Variants in ESR1 observed in about 807,000 individuals in gnomAD.
ESR1 encodes estrogen receptor.
In ESR1, 12 loss-of-function variants were observed where a neutral mutation model predicts 52.7. The observed-to-expected ratio is 0.23, with a 90% confidence interval of 0.15 to 0.37. The LOEUF is 0.37. ESR1 is among the 10% of genes least tolerant of loss of function. The pLI, the probability that ESR1 is intolerant of heterozygous loss-of-function variation, is 1.00. For synonymous variants in ESR1, 305 were observed against 316.8 expected (o/e 0.96, Z 0.39); for missense variants, 584 against 779.7 (o/e 0.75, Z 2.99).
chr6:151,723,582 C>CTTTGT (rs1465706427), intron 2 of ESR1, among the ~76,000 whole-genome samples: 3 of 152,138 alleles, frequency 2.0e-5, no homozygotes, highest in African/African-American at 4.8e-5. Flanking sequence ...CAAAACAGCG[C>CTTTGT]TTGTGGCCGG....
intron 3 of ESR1, among the ~76,000 whole-genome samples, chr6:151,887,998 AAATG>A (rs1430151295): frequency 6.6e-6 from 1 of 152,202 alleles, no homozygotes; most frequent in Non-Finnish European, 1.5e-5. Context: ...AATTGGCTCT[AAATG>A]AATGAATTTA....
intron 3 of ESR1, among the ~76,000 whole-genome samples, chr6:151,940,774 C>T (rs995783292): frequency 1.3e-5 from 2 of 152,210 alleles, no homozygotes; most frequent in African/African-American, 4.8e-5. Context: ...TCAATGTCTT[C>T]CTCCCTCCAA....
At chr6:151,677,947 A>T (rs1188868654) in intron 1 of ESR1, among the ~76,000 whole-genome samples, 2 of 151,948 alleles carry the variant, frequency 1.3e-5, no homozygotes, top group Non-Finnish European at 2.9e-5. Flanking sequence ...ACTGTTAAAC[A>T]TGTTACATTT....
chr6:152,120,825 T>C (rs2051306673), intron 6 of ESR1, among the ~76,000 whole-genome samples: 4 of 152,170 alleles, frequency 2.6e-5, no homozygotes, highest in African/African-American at 7.2e-5. Flanking sequence ...ACCTGCATTA[T>C]GGAAAGCACA....
intron 1 of ESR1, among the ~76,000 whole-genome samples, chr6:151,668,203 G>A (rs947676369): frequency 2.0e-5 from 3 of 152,204 alleles, no homozygotes; most frequent in Non-Finnish European, 4.4e-5. Flanking sequence ...TCTGCTTCAT[G>A]CATGGTGCCT....
chr6:151,922,380 A>G (rs754098942), intron 3 of ESR1, among the ~76,000 whole-genome samples: 3 of 152,228 alleles, frequency 2.0e-5, no homozygotes, highest in Non-Finnish European at 2.9e-5. Context: ...TACCTCTTTA[A>G]GGGTGGAGTA....
chr6:151,970,527 A>G (rs2038799064), intron 4 of ESR1, among the ~76,000 whole-genome samples: 2 of 152,204 alleles, frequency 1.3e-5, no homozygotes, highest in South Asian at 4.1e-4. Flanking sequence ...CTTTGGGGAC[A>G]GATCTCAGTT....
intron 3 of ESR1, among the ~76,000 whole-genome samples, chr6:151,928,086 T>C (rs115251264): frequency 0.01 from 1,540 of 152,230 alleles, 18 homozygotes; most frequent in African/African-American, 0.036. Flanking sequence ...AAATAACCAG[T>C]TTTTGTTTCA....
At chr6:152,038,197 G>A (rs371445603) in intron 5 of ESR1, among the ~76,000 whole-genome samples, 1 of 152,300 alleles carries the variant, frequency 6.6e-6, no homozygotes, top group African/African-American at 2.4e-5. Context: ...TCCGTCATGG[G>A]AGAAAGATGG....
intron 6 of ESR1, chr6:152,122,555 T>G: frequency 6.2e-7 from 1 of 1,614,074 alleles, no homozygotes; most frequent in Non-Finnish European, 8.5e-7. Flanking sequence ...GCAAGCCCGA[T>G]GAGGAGGAGC....
Position 152,080,791 on chromosome 6 carries a change from G to A in ESR1, c.1370-13594G>A, listed in dbSNP as rs141875707. On this transcript the variant is annotated intron_variant, in intron 6 of 7. Transcript: ENST00000206249. ...AATGCACATAGGCTCAAAATAAAGG[G>A]TCGAAGGAAAATCTACTGAGCAAAT... Among the ~76,000 whole-genome samples the A allele has an allele frequency of 4.6e-5, 7 of 152,134 alleles. No individual in the cohort carries two copies. In the East Asian group the frequency reaches 1.4e-3, roughly 29 times the overall value.
At chr6:151,880,477 G>A (rs1193308550) in intron 2 of ESR1, among the ~76,000 whole-genome samples, 178 bp from the exon 3 acceptor site, 2 of 151,990 alleles carry the variant, frequency 1.3e-5, no homozygotes, top group East Asian at 1.9e-4. Context: ...CACCGTGCCC[G>A]GCCCATGAGA....
At chr6:151,969,499 C>G (rs1232304363) in intron 4 of ESR1, among the ~76,000 whole-genome samples, 1 of 152,106 alleles carries the variant, frequency 6.6e-6, no homozygotes, top group Non-Finnish European at 1.5e-5. Context: ...GGGCATTTTC[C>G]CATGTCTCCC....
At chr6:151,672,898 G>C (rs535588544) in intron 1 of ESR1, among the ~76,000 whole-genome samples, 1 of 146,794 alleles carries the variant, frequency 6.8e-6, no homozygotes, top group Non-Finnish European at 1.5e-5. Context: ...GCACGATCTC[G>C]GCTCACTGCA....
upstream of ESR1, among the ~76,000 whole-genome samples, chr6:151,806,572 G>T (rs1375112434): frequency 1.0e-5 from 1 of 98,204 alleles, no homozygotes; most frequent in African/African-American, 3.6e-5. Context: ...ATATATGTGT[G>T]TGTGTATGTG....
intron 2 of ESR1, among the ~76,000 whole-genome samples, chr6:151,705,077 T>A (rs1780086193): frequency 1.3e-5 from 2 of 151,956 alleles, no homozygotes; most frequent in South Asian, 4.2e-4. Flanking sequence ...GATATTTGTA[T>A]CCCCATTGTG....
chr6:151,767,705 T>C (rs1268781248), intron 2 of ESR1, among the ~76,000 whole-genome samples: 2 of 152,184 alleles, frequency 1.3e-5, no homozygotes, highest in African/African-American at 4.8e-5. Context: ...CAAATTCCAG[T>C]TAAAAGAAAG....
At chr6:152,054,776 T>C (rs2046969036) in intron 5 of ESR1, among the ~76,000 whole-genome samples, 1 of 152,220 alleles carries the variant, frequency 6.6e-6, no homozygotes, top group African/African-American at 2.4e-5. Flanking sequence ...TCCAGTACCA[T>C]TCAATCTTCC....
At chr6:151,917,984 A>G (rs1047489890) in intron 3 of ESR1, among the ~76,000 whole-genome samples, 2 of 152,234 alleles carry the variant, frequency 1.3e-5, no homozygotes, top group Non-Finnish European at 2.9e-5. Flanking sequence ...ACACATGCTA[A>G]TTGCAGAGGG....
Sources: allele counts gnomAD v4.1 joint callset (sites outside exome capture counted in the v4.1 genomes callset), GRCh38; gene constraint gnomAD v4.1.1; transcripts MANE v1.5; gene names NCBI Gene and HGNC (gene_info 2026-07-23, HGNC 2026-07-21).